RALYL: variants seen among roughly 807,000 people sequenced by gnomAD.
RALYL encodes the protein RNA-binding Raly-like protein.
RALYL carries 29 observed loss-of-function variants against 35.1 expected under a neutral mutation model. The observed-to-expected ratio is 0.83, with a 90% confidence interval of 0.61 to 1.13. The LOEUF (loss-of-function observed/expected upper bound fraction) is 1.13. Among genes scored for constraint, RALYL ranks in the 50% most tolerant of loss-of-function variants. The probability of loss-of-function intolerance (pLI) is 0.00; values close to 1 mark genes in which losing one functional copy is unlikely to be tolerated. For synonymous variants in RALYL, 120 were observed against 127.6 expected (o/e 0.94, Z 0.40); for missense variants, 359 against 360.4 (o/e 1.00, Z 0.03).
At chr8:84,416,513 A>G (rs536711697) in intron 1 of RALYL, among the ~76,000 whole-genome samples, 2 of 152,344 alleles carry the variant, frequency 1.3e-5, no homozygotes, top group African/African-American at 4.8e-5. Context: ...ACTTTCAAGG[A>G]ACTGAAAGAA....
intron 2 of RALYL, among the ~76,000 whole-genome samples, chr8:84,627,228 C>T (rs924699009): frequency 6.6e-6 from 1 of 151,626 alleles, no homozygotes; most frequent in Non-Finnish European, 1.5e-5. Context: ...CAAATAATCC[C>T]TCCTATTTTT....
intron 2 of RALYL, among the ~76,000 whole-genome samples, chr8:84,568,416 G>A (rs376181632): frequency 3.3e-5 from 5 of 151,386 alleles, no homozygotes; most frequent in East Asian, 1.9e-4. Context: ...TCCATGGTGT[G>A]TATGTGCCAC....
chr8:84,799,783 C>A (rs1293326291), intron 3 of RALYL, among the ~76,000 whole-genome samples: 1 of 152,046 alleles, frequency 6.6e-6, no homozygotes, highest in South Asian at 2.1e-4. Context: ...GGTGAAACCC[C>A]GTCTCTACTA....
At chr8:84,638,879 T>C (rs1385521902) in intron 2 of RALYL, among the ~76,000 whole-genome samples, 2 of 29,010 alleles carry the variant, frequency 6.9e-5, no homozygotes, top group African/African-American at 1.2e-4. Context: ...TAAATATATA[T>C]ATATATATAT....
At chr8:84,275,469 T>C (rs1285030429) in intron 1 of RALYL, among the ~76,000 whole-genome samples, 1 of 150,654 alleles carries the variant, frequency 6.6e-6, no homozygotes, top group African/African-American at 2.4e-5. Flanking sequence ...AGCATGATGT[T>C]TTGAAATATA....
chr8:84,457,074 T>C (rs2050215753), intron 1 of RALYL, among the ~76,000 whole-genome samples: 1 of 151,960 alleles, frequency 6.6e-6, no homozygotes, highest in Admixed American at 6.6e-5. Flanking sequence ...TCTAATTTTT[T>C]CCCCCTTTTC....
At chr8:84,307,155 T>G (rs1386917890) in intron 1 of RALYL, among the ~76,000 whole-genome samples, 1 of 152,178 alleles carries the variant, frequency 6.6e-6, no homozygotes, top group Middle Eastern at 3.2e-3. Flanking sequence ...GATCTTCCTA[T>G]GAGTTAGGAA....
At chr8:84,859,128 A>G (rs1284998177) in intron 5 of RALYL, among the ~76,000 whole-genome samples, 1 of 152,094 alleles carries the variant, frequency 6.6e-6, no homozygotes, top group Non-Finnish European at 1.5e-5. Flanking sequence ...CTGGTGACAG[A>G]ATTTTCTGGG....
chr8:84,380,775 A>C (rs1857828187), intron 1 of RALYL, among the ~76,000 whole-genome samples: 1 of 151,788 alleles, frequency 6.6e-6, no homozygotes, highest in South Asian at 2.1e-4. Context: ...AAGCACCGAA[A>C]GGATTTAAAT....
At chr8:84,343,381 A>C (rs1182260112) in intron 1 of RALYL, among the ~76,000 whole-genome samples, 1 of 152,082 alleles carries the variant, frequency 6.6e-6, no homozygotes, top group Admixed American at 6.6e-5. Context: ...ACATTTATCA[A>C]TGCTGACATT....
chr8:84,301,366 A>G (rs186588418), intron 1 of RALYL, among the ~76,000 whole-genome samples: 4 of 152,082 alleles, frequency 2.6e-5, no homozygotes, highest in Non-Finnish European at 5.9e-5. Flanking sequence ...ATTTCTTGGG[A>G]AAGTCATCTT....
intron 8 of RALYL, chr8:84,906,951 A>G: frequency 3.0e-6 from 3 of 985,288 alleles, no homozygotes; most frequent in Non-Finnish European, 3.6e-6. Context: ...ATGGAAAATC[A>G]CAAGCTCCGG....
At chr8:84,535,273 T>G (rs888915922) in intron 2 of RALYL, among the ~76,000 whole-genome samples, 5 of 152,208 alleles carry the variant, frequency 3.3e-5, no homozygotes, top group Non-Finnish European at 2.9e-5. Context: ...ACCGTAATTA[T>G]TTTTACTATT....
intron 6 of RALYL, among the ~76,000 whole-genome samples, chr8:84,870,338 A>G (rs529412331): frequency 6.6e-6 from 1 of 151,116 alleles, no homozygotes; most frequent in South Asian, 2.1e-4. Flanking sequence ...GGCTCGGTGC[A>G]ATCTCTGTCT....
intron 2 of RALYL, among the ~76,000 whole-genome samples, chr8:84,637,285 A>G (rs1825268220): frequency 6.6e-6 from 1 of 151,862 alleles, no homozygotes. Context: ...GTTTTCAGGT[A>G]TTTAAGGAAA....
intron 2 of RALYL, among the ~76,000 whole-genome samples, chr8:84,588,437 C>T (rs1007341418): frequency 9.9e-5 from 15 of 152,002 alleles, no homozygotes; most frequent in African/African-American, 2.4e-4. Flanking sequence ...GAGGTGTGTT[C>T]GGGTATATAT....
intron 1 of RALYL, among the ~76,000 whole-genome samples, chr8:84,323,493 T>G (rs1845244956): frequency 6.6e-6 from 1 of 152,046 alleles, no homozygotes; most frequent in African/African-American, 2.4e-5. Context: ...AATTATACTT[T>G]CCTTTGATCT....
rs527332496 is a variant in RALYL at position 84,647,784 on chromosome 8, A to G, written c.256+118207A>G. 2.2e-4 allele frequency among the ~76,000 whole-genome samples: 33 copies of G among 152,220 alleles called. No individual in the cohort carries two copies. The South Asian group carries it at 6.8e-3, about 32-fold the overall frequency. ...TTATGGTGATCATTATTAAACAGGAAAGAAGGATAACGAGTGCTGGAGAGA... is the reference window on the plus strand; with the variant it reads ...TTATGGTGATCATTATTAAACAGGAGAGAAGGATAACGAGTGCTGGAGAGA... On this transcript the variant is annotated intron_variant, in intron 2 of 8. Transcript: ENST00000521268.
At chr8:84,859,188 A>ATG (rs1173390129) in intron 5 of RALYL, among the ~76,000 whole-genome samples, 2 of 152,080 alleles carry the variant, frequency 1.3e-5, no homozygotes, top group Non-Finnish European at 2.9e-5. Flanking sequence ...CATACACCCT[A>ATG]TGTATATTAA....
Sources: allele counts gnomAD v4.1 joint callset (sites outside exome capture counted in the v4.1 genomes callset), GRCh38; gene constraint gnomAD v4.1.1; transcripts MANE v1.5; gene names NCBI Gene and HGNC (gene_info 2026-07-23, HGNC 2026-07-21).